PEX11A: variants seen among roughly 807,000 people sequenced by gnomAD.
PEX11A encodes peroxisomal membrane protein 11A.
A neutral mutation model predicts 14.4 loss-of-function variants in PEX11A; 13 were observed. That is an observed-to-expected ratio of 0.90 (90% CI 0.59 to 1.43). The LOEUF (loss-of-function observed/expected upper bound fraction) is 1.43. Among genes scored for constraint, PEX11A ranks in the 40% most tolerant of loss-of-function variants. The pLI, the probability that PEX11A is intolerant of heterozygous loss-of-function variation, is 0.00. For synonymous variants in PEX11A, 101 were observed against 113.0 expected (o/e 0.89, Z 0.67); for missense variants, 290 against 302.8 (o/e 0.96, Z 0.31).
chr15:89,686,739 G>C (rs1390068857), intron 1 of PEX11A, among the ~76,000 whole-genome samples, 193 bp from the exon 2 acceptor site: 1 of 152,132 alleles, frequency 6.6e-6, no homozygotes, highest in Non-Finnish European at 1.5e-5. Flanking sequence ...ACATGTCATG[G>C]AAATTTAACA....
Position 89,683,117 on chromosome 15 carries a change from A to G in PEX11A, c.*260T>C. 1 of 471,680 alleles carries G rather than the reference A, an allele frequency of 2.1e-6. No individual in the cohort carries two copies. The highest frequency in any genetic ancestry group is 3.7e-6 in the Non-Finnish European group (1 of 267,092). The allele number at this position is 471,680 out of a possible 1,614,324, so 29.2% of individuals were successfully genotyped here. A position where few individuals can be genotyped will look rare whatever the true frequency, so the allele number is the denominator to read the frequency against. On this transcript the variant is annotated 3_prime_UTR_variant, in exon 3 of 3. Coordinates refer to ENST00000300056, the MANE Select transcript of PEX11A (RefSeq NM_003847.3). ...AATACTAAGCTCCCACTATGCACAT[A>G]AGAGATGTTCAATCAATGTTAGATG...
chr15:89,687,370 A>G (rs922449810), intron 1 of PEX11A, among the ~76,000 whole-genome samples: 15 of 152,242 alleles, frequency 9.9e-5, no homozygotes, highest in African/African-American at 3.6e-4. Context: ...CCAAATACAC[A>G]TCAGTACATA....
chr15:89,683,353 AC>A lies in PEX11A; in HGVS notation c.*23del. ...CAAGAGGCCATCTTTTAAAGTAGGT[AC>A]TAGTTCCAAGCCTAAAAACACCCTA... On this transcript the variant is annotated 3_prime_UTR_variant, in exon 3 of 3. Coordinates refer to ENST00000300056, the MANE Select transcript of PEX11A (RefSeq NM_003847.3). The A allele has an allele frequency of 6.7e-7, 1 of 1,503,730 alleles. No homozygotes were observed. The highest frequency in any genetic ancestry group is 9.2e-7 in the Non-Finnish European group (1 of 1,092,142). The allele number at this position is 1,503,730 out of a possible 1,614,324, so 93.1% of individuals were successfully genotyped here. A position where few individuals can be genotyped will look rare whatever the true frequency, so the allele number is the denominator to read the frequency against.
chr15:89,687,143 T>G lies in PEX11A; in HGVS notation c.57-597A>C, dbSNP rs996687413. On this transcript the variant is annotated intron_variant, in intron 1 of 2. Transcript: ENST00000300056. ...TGTGCCATTTTGGTCATGGCTGGTC[T>G]CGATCTCCTGACCTCGTGATCTGCC... 1.2e-4 allele frequency among the ~76,000 whole-genome samples: 19 copies of G among 152,114 alleles called. 1 individual carries two copies. The highest frequency in any genetic ancestry group is 4.1e-4 in the African/African-American group (17 of 41,408).
chr15:89,684,031 C>G, intron 2 of PEX11A, 83 bp from the exon 3 acceptor site: 1 of 1,055,236 alleles, frequency 9.5e-7, no homozygotes, highest in South Asian at 1.5e-5. Context: ...GGGTGAGGAG[C>G]CAGCTTTTTG....
intron 2 of PEX11A, among the ~76,000 whole-genome samples, chr15:89,685,867 T>C (rs559123685): frequency 6.6e-6 from 1 of 152,264 alleles, no homozygotes; most frequent in South Asian, 2.1e-4. Context: ...CAACAAAGAC[T>C]CAGAAAGGCA....
intron 2 of PEX11A, among the ~76,000 whole-genome samples, chr15:89,685,873 A>G (rs1346421574): frequency 6.6e-6 from 1 of 152,198 alleles, no homozygotes; most frequent in African/African-American, 2.4e-5. Context: ...AGACTCAGAA[A>G]GGCAATTGCT....
intron 2 of PEX11A, among the ~76,000 whole-genome samples, chr15:89,685,855 A>G (rs547318499): frequency 1.3e-5 from 2 of 152,284 alleles, no homozygotes; most frequent in East Asian, 1.9e-4. Flanking sequence ...GTTTTCATCA[A>G]ACAACAAAGA....
At chr15:89,690,339 C>G (rs907318974) in intron 1 of PEX11A, among the ~76,000 whole-genome samples, 8 of 152,168 alleles carry the variant, frequency 5.3e-5, no homozygotes, top group Admixed American at 1.3e-4. Context: ...GGCTAGGGTG[C>G]CAGGCACTGG....
rs1182464064 is a variant in PEX11A at position 89,690,685 on chromosome 15, G to A, written c.-53C>T. On this transcript the variant is annotated 5_prime_UTR_variant, in exon 1 of 3. Coordinates refer to ENST00000300056, the MANE Select transcript of PEX11A (RefSeq NM_003847.3). ...CACGGGGCTCAGGCGTGGGTCCTCT[G>A]GGGCCCGTCGGATCCCCAGGGAACG... 7.6e-7 allele frequency: 1 copy of A among 1,317,188 alleles called. No homozygotes were observed. The highest frequency in any genetic ancestry group is 1.5e-5 in the African/African-American group (1 of 68,446). The allele number at this position is 1,317,188 out of a possible 1,614,324, so 81.6% of individuals were successfully genotyped here. A position where few individuals can be genotyped will look rare whatever the true frequency, so the allele number is the denominator to read the frequency against.
At position 89,683,603 on chromosome 15, in the gene PEX11A, T is replaced by C; in HGVS notation, c.518A>G (p.Glu173Gly). ...TAGAAAGGATTGGAGCCATTCTGTTTCCTCCTCAGCCACGCTGAACCAAAG... is the reference window on the plus strand; with the variant it reads ...TAGAAAGGATTGGAGCCATTCTGTTCCCTCCTCAGCCACGCTGAACCAAAG... ...DPLWFSVAEE[E>G]TEWLQSFLLL... Residue 173 changes from glutamate to glycine, a missense_variant, in exon 3 of 3, where the codon GAA becomes GGA. Coordinates refer to ENST00000300056, the MANE Select transcript of PEX11A (RefSeq NM_003847.3). 1 of 1,614,156 alleles carries C rather than the reference T, an allele frequency of 6.2e-7. No individual in the cohort carries two copies. The highest frequency in any genetic ancestry group is 1.1e-5 in the South Asian group (1 of 91,082).
rs1261955560 is a variant in PEX11A, at chr15:89,683,063, TTTTCC to T, written c.*309_*313del. The T allele has an allele frequency of 1.5e-4, 46 of 308,972 alleles. No homozygotes were observed. The highest frequency in any genetic ancestry group is 9.1e-4 in the African/African-American group (42 of 46,130). The allele number at this position is 308,972 out of a possible 1,614,324, so 19.1% of individuals were successfully genotyped here. A position where few individuals can be genotyped will look rare whatever the true frequency, so the allele number is the denominator to read the frequency against. On this transcript the variant is annotated 3_prime_UTR_variant, in exon 3 of 3. Transcript: ENST00000300056. The stretch of plus-strand genomic sequence containing the variant: ...CAGTGCGATTGGGTCTTTTTAAATT[TTTTCC>T]TTTCAATTTTTATTCATTCAGCAAA...
intron 1 of PEX11A, chr15:89,688,030 C>T: frequency 1.9e-6 from 1 of 538,972 alleles, no homozygotes; most frequent in Non-Finnish European, 3.7e-6. Context: ...CTTCACTGGG[C>T]TCAACACACT....
chr15:89,683,909 G>T lies in PEX11A; in HGVS notation c.212C>A (p.Thr71Asn), dbSNP rs757191832. 1.9e-6 allele frequency: 3 copies of T among 1,613,958 alleles called. No individual in the cohort carries two copies. Among genetic ancestry groups the T allele is most frequent in the Non-Finnish European group, 1.7e-6 (2 of 1,179,834 alleles). ...GTCAGTGGCATGAATGCTCTGCTCA[G>T]TTGCCTGTATAGCATGTACCACATT... Reference protein sequence around the residue: ...LGNVVHAIQATEQSIHATDLV... With the variant: ...LGNVVHAIQANEQSIHATDLV... Residue 71 changes from threonine to asparagine, a missense_variant, in exon 3 of 3, where the codon ACT becomes AAT. By Grantham distance (65) the Thr-to-Asn change is moderately conservative. Transcript: ENST00000300056.
chr15:89,688,106 C>A, intron 1 of PEX11A: 1 of 535,832 alleles, frequency 1.9e-6, no homozygotes, highest in East Asian at 5.2e-5. Context: ...AGTCTGCCCA[C>A]CACAGCCACT....
At chr15:89,688,984 G>A (rs1363992249) in intron 1 of PEX11A, among the ~76,000 whole-genome samples, 1 of 152,186 alleles carries the variant, frequency 6.6e-6, no homozygotes, top group Non-Finnish European at 1.5e-5. Flanking sequence ...AAAGTGCTGG[G>A]ATTACAGGTG....
At chr15:89,683,989 G>A in intron 2 of PEX11A, 41 bp from the exon 3 acceptor site, 2 of 1,354,152 alleles carry the variant, frequency 1.5e-6, no homozygotes, top group Non-Finnish European at 2.1e-6. Context: ...TATTTCATTA[G>A]TACACAACAG....
At position 89,681,570 on chromosome 15, in the gene PEX11A, T is replaced by C; in HGVS notation, c.*1807A>G. The C allele has an allele frequency of 1.4e-6, 1 of 701,758 alleles. No individual in the cohort carries two copies. Among genetic ancestry groups the C allele is most frequent in the South Asian group, 1.5e-5 (1 of 67,478 alleles). 43.5% of individuals were successfully genotyped at this position (701,758 alleles called of 1,614,324 possible). A position where few individuals can be genotyped will look rare whatever the true frequency, so the allele number is the denominator to read the frequency against. ...AAATTTATTGAACATAGTTAATCTA[T>C]TACAGTAGAGGATCTGGACAATAAA... On this transcript the variant is annotated 3_prime_UTR_variant, in exon 3 of 3. Transcript: ENST00000300056.
At position 89,685,266 on chromosome 15, in the gene PEX11A, A is replaced by T. The variant is rs1023194452; in HGVS notation, c.172+1165T>A. Among the ~76,000 whole-genome samples, 65 of 151,888 alleles carry T rather than the reference A, an allele frequency of 4.3e-4. 1 individual carries two copies. Among genetic ancestry groups the T allele is most frequent in the Middle Eastern group, 3.4e-3 (1 of 294 alleles). On this transcript the variant is annotated intron_variant, in intron 2 of 2. Coordinates refer to ENST00000300056, the MANE Select transcript of PEX11A (RefSeq NM_003847.3). Reference sequence around the variant, plus strand: ...TATGTTATCAAAAATAACATAAAATAGTAAAATAGTATATGTAATGACTAT... The same window carrying T: ...TATGTTATCAAAAATAACATAAAATTGTAAAATAGTATATGTAATGACTAT...
Sources: allele counts gnomAD v4.1 joint callset (sites outside exome capture counted in the v4.1 genomes callset), GRCh38; gene constraint gnomAD v4.1.1; transcripts MANE v1.5; gene names NCBI Gene and HGNC (gene_info 2026-07-23, HGNC 2026-07-21).